The following APBA2 variants were observed in gnomAD, a reference collection of about 807,000 sequenced individuals.
APBA2 encodes the protein amyloid-beta A4 precursor protein-binding family A member 2.
In APBA2, 30 loss-of-function variants were observed where a neutral mutation model predicts 75.0. The ratio of observed to expected loss-of-function variants is 0.40; its 90% confidence interval spans 0.30 to 0.54. The LOEUF is 0.54. Ranked by LOEUF, APBA2 falls within the 20% of genes least tolerant of loss-of-function variation. The pLI is 0.49. For missense variants in APBA2, 801 were observed against 1,016.1 expected (o/e 0.79, Z 2.88); for synonymous variants, 444 against 409.6 (o/e 1.08, Z -1.01).
At chr15:29,040,814 A>T (rs1050148052) in intron 3 of APBA2, among the ~76,000 whole-genome samples, 1 of 152,220 alleles carries the variant, frequency 6.6e-6, no homozygotes, top group Non-Finnish European at 1.5e-5. Context: ...AGAAGCAAAA[A>T]AATCTGACTA....
Position 29,092,958 on chromosome 15 carries a change from C to T in APBA2, c.1070-117C>T, listed in dbSNP as rs921857444. ...GGCTGCAGATGGCAATGGTTGGGCC[C>T]TTCTAGTTTGCCCCGCATCCTGGCT... is the stretch of plus-strand genomic sequence containing the variant. On this transcript the variant is annotated intron_variant, in intron 6 of 14. Transcript: ENST00000683413. 17 of 1,376,260 alleles carry T rather than the reference C, an allele frequency of 1.2e-5. No homozygotes were observed. In the African/African-American group the frequency reaches 1.7e-4, roughly 14 times the overall value. The allele number at this position is 1,376,260 out of a possible 1,614,324, so 85.3% of individuals were successfully genotyped here.
intron 4 of APBA2, among the ~76,000 whole-genome samples, chr15:29,064,719 G>A (rs1272278769): frequency 3.3e-5 from 5 of 152,148 alleles, no homozygotes; most frequent in East Asian, 1.9e-4. Flanking sequence ...GGATGGTGAT[G>A]AGAGAGAGAC....
chr15:29,042,137 G>C (rs1272007300), intron 3 of APBA2, among the ~76,000 whole-genome samples: 1 of 152,144 alleles, frequency 6.6e-6, no homozygotes, highest in African/African-American at 2.4e-5. Context: ...CTAGTTTAGA[G>C]CCCTGCCTTC....
chr15:28,899,043 G>A (rs976375998), intron 1 of APBA2, among the ~76,000 whole-genome samples: 12 of 152,254 alleles, frequency 7.9e-5, no homozygotes, highest in African/African-American at 2.9e-4. Context: ...AAATGTTTAA[G>A]TATCAAACGT....
intron 3 of APBA2, among the ~76,000 whole-genome samples, chr15:28,999,000 T>G (rs748234224): frequency 2.2e-4 from 34 of 152,150 alleles, no homozygotes; most frequent in Admixed American, 3.9e-4. Flanking sequence ...TATAAAAAAT[T>G]AGCTGGGTGT....
At chr15:29,094,777 G>C (rs1367223776) in intron 8 of APBA2, among the ~76,000 whole-genome samples, 1 of 152,186 alleles carries the variant, frequency 6.6e-6, no homozygotes, top group Admixed American at 6.5e-5. Context: ...ATGAGTTTTT[G>C]GGCTGGGTGC....
At chr15:29,058,601 T>C (rs2042003141) in intron 4 of APBA2, among the ~76,000 whole-genome samples, 1 of 152,128 alleles carries the variant, frequency 6.6e-6, no homozygotes, top group South Asian at 2.1e-4. Flanking sequence ...TAGGATGCCA[T>C]GCATTTTGAA....
At chr15:28,901,680 A>G (rs903422591) in intron 1 of APBA2, among the ~76,000 whole-genome samples, 3 of 151,912 alleles carry the variant, frequency 2.0e-5, no homozygotes, top group African/African-American at 7.3e-5. Context: ...CCGTGGCCAC[A>G]CCCCTGACTG....
intron 4 of APBA2, among the ~76,000 whole-genome samples, chr15:29,065,139 C>T (rs540331322): frequency 2.6e-5 from 4 of 152,126 alleles, no homozygotes; most frequent in African/African-American, 7.2e-5. Context: ...AGGCTGTCCA[C>T]GTGCGTCTGC....
intron 2 of APBA2, among the ~76,000 whole-genome samples, chr15:28,936,884 C>T (rs545243533): frequency 1.2e-4 from 18 of 151,092 alleles, no homozygotes; most frequent in African/African-American, 3.6e-4. Context: ...AAATGGTCCT[C>T]GATCTACCCT....
intron 3 of APBA2, among the ~76,000 whole-genome samples, chr15:28,999,244 C>G (rs1453856555): frequency 6.6e-6 from 1 of 151,632 alleles, no homozygotes; most frequent in Non-Finnish European, 1.5e-5. Flanking sequence ...GAAACATACA[C>G]ACATCATAAA....
intron 2 of APBA2, among the ~76,000 whole-genome samples, chr15:28,922,400 G>A (rs2034018722): frequency 6.6e-6 from 1 of 152,218 alleles, no homozygotes; most frequent in Admixed American, 6.5e-5. Context: ...GTCCCCACAA[G>A]GCGATTGTGC....
chr15:29,042,112 G>C lies in APBA2; in HGVS notation c.-40-11733G>C, dbSNP rs77661350. Among the ~76,000 whole-genome samples, 91 of 152,256 alleles carry C rather than the reference G, an allele frequency of 6.0e-4. 1 individual carries two copies. Among genetic ancestry groups the C allele is most frequent in the African/African-American group, 1.9e-3 (78 of 41,560 alleles). ...CGTTTGCTTGTGGTGGTTTGCTGGCGATCTTTGATGTTCCCTAGTTTAGAG... is the reference window on the plus strand; with the variant it reads ...CGTTTGCTTGTGGTGGTTTGCTGGCCATCTTTGATGTTCCCTAGTTTAGAG... On this transcript the variant is annotated intron_variant, in intron 3 of 14. Transcript: ENST00000683413.
intron 2 of APBA2, among the ~76,000 whole-genome samples, chr15:28,953,067 T>C (rs1180238326): frequency 6.6e-6 from 1 of 152,142 alleles, no homozygotes; most frequent in African/African-American, 2.4e-5. Flanking sequence ...AGTCCTGGTG[T>C]CTCCCTTAGC....
At chr15:28,897,017 G>T (rs2032531737) in intron 1 of APBA2, among the ~76,000 whole-genome samples, 1 of 152,092 alleles carries the variant, frequency 6.6e-6, no homozygotes, top group South Asian at 2.1e-4. Context: ...TGATTGCTTG[G>T]ACACAACTGG....
chr15:29,093,993 G>A (rs1036776299), intron 7 of APBA2, among the ~76,000 whole-genome samples: 9 of 152,188 alleles, frequency 5.9e-5, no homozygotes, highest in Admixed American at 2.0e-4. Flanking sequence ...GCCTTGCTCC[G>A]CTGCCTGGAG....
chr15:28,998,416 G>A (rs2038659139), intron 3 of APBA2, among the ~76,000 whole-genome samples: 1 of 152,022 alleles, frequency 6.6e-6, no homozygotes. Context: ...TGAAAATGAC[G>A]GGCTGATGTG....
chr15:29,052,715 A>T (rs1280472684), intron 3 of APBA2, among the ~76,000 whole-genome samples: 1 of 152,134 alleles, frequency 6.6e-6, no homozygotes, highest in East Asian at 1.9e-4. Flanking sequence ...AGACTGGTTG[A>T]TTATAAAGAA....
intron 1 of APBA2, among the ~76,000 whole-genome samples, chr15:28,890,197 T>C (rs2032038472): frequency 6.6e-6 from 1 of 152,232 alleles, no homozygotes. Context: ...GAAAGAGCTG[T>C]AGAATTGTAC....
Sources: allele counts gnomAD v4.1 joint callset (sites outside exome capture counted in the v4.1 genomes callset), GRCh38; gene constraint gnomAD v4.1.1; transcripts MANE v1.5; gene names NCBI Gene and HGNC (gene_info 2026-07-23, HGNC 2026-07-21).